The following SLC8A1 variants were observed in gnomAD, a reference collection of about 807,000 sequenced individuals.
SLC8A1 encodes sodium/calcium exchanger 1.
Under a neutral mutation model 68.3 loss-of-function variants are expected in SLC8A1, and 18 were observed. The ratio of observed to expected loss-of-function variants is 0.26; its 90% CI spans 0.18 to 0.39. The LOEUF is 0.39. SLC8A1 is among the 10% of genes least tolerant of loss of function. SLC8A1 has a pLI of 1.00. For synonymous variants in SLC8A1, 475 were observed against 415.5 expected (o/e 1.14, Z -1.74); for missense variants, 985 against 1,156.7 (o/e 0.85, Z 2.15).
intron 3 of SLC8A1, 94 bp from the exon 4 acceptor site, chr2:40,175,375 T>A: frequency 7.7e-7 from 1 of 1,301,078 alleles, no homozygotes; most frequent in Non-Finnish European, 1.1e-6. Context: ...TCCAGGCAGA[T>A]CTGATTACAG....
chr2:40,215,498 A>G (rs970597349), intron 2 of SLC8A1, among the ~76,000 whole-genome samples: 1 of 151,796 alleles, frequency 6.6e-6, no homozygotes, highest in Non-Finnish European at 1.5e-5. Flanking sequence ...TTAGCCGGGC[A>G]CGGTGGCGGG....
At position 40,458,399 on chromosome 2, in the gene SLC8A1, G is replaced by A. The variant is rs1261351123; in HGVS notation, c.-24-28095C>T. Reference sequence around the variant, plus strand: ...GAACATTTATTCCTCAGCATCTAGAGCAGTTTTTGGTGCATGGGACATGAA... The same window carrying A: ...GAACATTTATTCCTCAGCATCTAGAACAGTTTTTGGTGCATGGGACATGAA... On this transcript the variant is annotated intron_variant, in intron 1 of 7. Coordinates refer to the SLC8A1 transcript ENST00000402441. Among the ~76,000 whole-genome samples, 13 of 152,156 alleles carry A rather than the reference G, an allele frequency of 8.5e-5. No homozygotes were observed. The East Asian group carries it at 1.6e-3, about 18-fold the overall frequency.
chr2:40,299,735 G>A (rs2149262063), intron 2 of SLC8A1, among the ~76,000 whole-genome samples: 1 of 152,288 alleles, frequency 6.6e-6, no homozygotes, highest in East Asian at 1.9e-4. Flanking sequence ...AGCCTCCAAA[G>A]TGGAAATGCA....
intron 3 of SLC8A1, 29 bp from the exon 4 acceptor site, chr2:40,175,310 C>T (rs2048274473): frequency 6.2e-7 from 1 of 1,608,188 alleles, no homozygotes; most frequent in Non-Finnish European, 8.5e-7. Flanking sequence ...AAGACAAACA[C>T]AGAATAAGAG....
At chr2:40,178,527 G>C in intron 2 of SLC8A1, 34 bp from the exon 3 acceptor site, 1 of 1,541,260 alleles carries the variant, frequency 6.5e-7, no homozygotes, top group Non-Finnish European at 9.0e-7. Flanking sequence ...CGAACAAGGG[G>C]AAGAGGAAAG....
At chr2:40,430,584 A>C (rs1698056244) in intron 1 of SLC8A1, among the ~76,000 whole-genome samples, 1 of 152,166 alleles carries the variant, frequency 6.6e-6, no homozygotes, top group South Asian at 2.1e-4. Flanking sequence ...CAAGATACAC[A>C]ATTGACTTAC....
chr2:40,273,281 C>T (rs891306151), intron 2 of SLC8A1, among the ~76,000 whole-genome samples: 6 of 150,090 alleles, frequency 4.0e-5, no homozygotes, highest in East Asian at 3.9e-4. Context: ...TTAGTAGAGA[C>T]GGGGTTTCTT....
intron 6 of SLC8A1, among the ~76,000 whole-genome samples, chr2:40,148,457 G>A (rs909154426): frequency 1.3e-5 from 2 of 152,192 alleles, no homozygotes; most frequent in African/African-American, 4.8e-5. Context: ...GGGTTTGAAA[G>A]TTGACGTTTG....
intron 2 of SLC8A1, among the ~76,000 whole-genome samples, chr2:40,206,533 A>G (rs1354775291): frequency 1.3e-5 from 2 of 152,094 alleles, no homozygotes; most frequent in Non-Finnish European, 2.9e-5. Flanking sequence ...ACTGTAGTTT[A>G]TCATAACAAC....
chr2:40,357,527 T>G (rs999654200), intron 2 of SLC8A1, among the ~76,000 whole-genome samples: 9 of 142,862 alleles, frequency 6.3e-5, no homozygotes, highest in Non-Finnish European at 1.2e-4. Flanking sequence ...ACACAAGATG[T>G]AAACAGTAAT....
intron 1 of SLC8A1, among the ~76,000 whole-genome samples, chr2:40,470,595 A>T (rs1035320480): frequency 1.3e-5 from 2 of 151,884 alleles, no homozygotes; most frequent in Admixed American, 6.6e-5. Flanking sequence ...GTTATAAAAC[A>T]TTACATATAA....
intron 2 of SLC8A1, among the ~76,000 whole-genome samples, chr2:40,390,693 G>A (rs1684981411): frequency 6.6e-6 from 1 of 152,050 alleles, no homozygotes; most frequent in African/African-American, 2.4e-5. Flanking sequence ...ATAGTCCACA[G>A]AGGCTTCTGC....
chr2:40,353,084 C>T (rs1044073676), intron 2 of SLC8A1, among the ~76,000 whole-genome samples: 12 of 152,150 alleles, frequency 7.9e-5, no homozygotes, highest in African/African-American at 2.9e-4. Context: ...TGACTTACTC[C>T]TTGTGCACCT....
intron 1 of SLC8A1, among the ~76,000 whole-genome samples, chr2:40,510,350 A>G (rs998518821): frequency 1.3e-5 from 2 of 152,282 alleles, no homozygotes; most frequent in Non-Finnish European, 2.9e-5. Context: ...TCTATTACTT[A>G]TATTATGCTT....
chr2:40,326,579 C>T (rs1337911561), intron 2 of SLC8A1, among the ~76,000 whole-genome samples: 1 of 152,150 alleles, frequency 6.6e-6, no homozygotes, highest in Non-Finnish European at 1.5e-5. Flanking sequence ...TAACTATCCT[C>T]TTCCTCTCTT....
At chr2:40,206,572 G>T (rs1265092869) in intron 2 of SLC8A1, among the ~76,000 whole-genome samples, 1 of 151,978 alleles carries the variant, frequency 6.6e-6, no homozygotes, top group African/African-American at 2.4e-5. Flanking sequence ...TTCAGGGAAG[G>T]CCTGAAGGTT....
chr2:40,437,323 A>T (rs1699624963), intron 1 of SLC8A1, among the ~76,000 whole-genome samples: 1 of 152,116 alleles, frequency 6.6e-6, no homozygotes, highest in African/African-American at 2.4e-5. Context: ...AGGTTGCATT[A>T]GCTCATCAAG....
At chr2:40,142,283 G>C (rs931375081) in intron 6 of SLC8A1, among the ~76,000 whole-genome samples, 3 of 152,126 alleles carry the variant, frequency 2.0e-5, no homozygotes, top group African/African-American at 7.2e-5. Flanking sequence ...TTTGAAGGAG[G>C]AAGGAAGAAG....
intron 4 of SLC8A1, among the ~76,000 whole-genome samples, chr2:40,166,992 G>T (rs1238301534): frequency 6.6e-6 from 1 of 152,124 alleles, no homozygotes; most frequent in Non-Finnish European, 1.5e-5. Flanking sequence ...CTTTTAATGG[G>T]ACTCAAGGCA....
Sources: allele counts gnomAD v4.1 joint callset (sites outside exome capture counted in the v4.1 genomes callset), GRCh38; gene constraint gnomAD v4.1.1; transcripts MANE v1.5; gene names NCBI Gene and HGNC (gene_info 2026-07-23, HGNC 2026-07-21).